OR7E24: variants seen among roughly 807,000 people sequenced by gnomAD.
OR7E24 encodes the protein olfactory receptor 7E24.
For missense variants in OR7E24, 385 were observed against 410.3 expected (o/e 0.94, Z 0.53); for synonymous variants, 130 against 157.5 (o/e 0.83, Z 1.31).
At chr19:9,235,376 T>A in the OR7E24 span, 1 of 1,516,742 alleles carries the variant, frequency 6.6e-7, no homozygotes. Flanking sequence ...TGCACCACAG[T>A]CCCCAAGATG....
the OR7E24 span, among the ~76,000 whole-genome samples, chr19:9,240,967 G>A: frequency 2.6e-5 from 4 of 151,902 alleles, no homozygotes; most frequent in Admixed American, 6.6e-5. Flanking sequence ...ACAGGTGCCC[G>A]CCACCACGCC....
At chr19:9,242,421 T>G (rs1331493595), upstream of OR7E24, among the ~76,000 whole-genome samples, 2 of 152,150 alleles carry the variant, frequency 1.3e-5, no homozygotes, top group East Asian at 3.9e-4. Context: ...TAATTTTTTT[T>G]GTATTTTTAG....
chr19:9,217,584 G>C, the OR7E24 span, among the ~76,000 whole-genome samples: 1 of 152,134 alleles, frequency 6.6e-6, no homozygotes, highest in Non-Finnish European at 1.5e-5. Context: ...TGTTGCCCAG[G>C]CTGGAGTATA....
At chr19:9,233,846 A>G in the OR7E24 span, among the ~76,000 whole-genome samples, 1 of 152,126 alleles carries the variant, frequency 6.6e-6, no homozygotes, top group Non-Finnish European at 1.5e-5. Flanking sequence ...CCATGCAGAA[A>G]ATATTTACTA....
the OR7E24 span, among the ~76,000 whole-genome samples, chr19:9,215,055 C>T: frequency 6.6e-6 from 1 of 151,964 alleles, no homozygotes; most frequent in African/African-American, 2.4e-5. Context: ...TTAGAAATCT[C>T]TCTCTTTGGC....
At chr19:9,240,646 G>C in the OR7E24 span, among the ~76,000 whole-genome samples, 2 of 152,060 alleles carry the variant, frequency 1.3e-5, no homozygotes, top group Admixed American at 6.6e-5. Context: ...ATAGAGAAAA[G>C]TTTTAAAATT....
the OR7E24 span, among the ~76,000 whole-genome samples, chr19:9,227,988 C>T: frequency 5.3e-5 from 8 of 151,684 alleles, no homozygotes; most frequent in African/African-American, 1.9e-4. Context: ...CTCCTGACCT[C>T]GTGATCCGCC....
At chr19:9,224,006 A>G in the OR7E24 span, among the ~76,000 whole-genome samples, 1 of 151,700 alleles carries the variant, frequency 6.6e-6, no homozygotes, top group Non-Finnish European at 1.5e-5. Flanking sequence ...GTGTGCCACC[A>G]CACCCAGCTA....
chr19:9,241,641 G>A, the OR7E24 span, among the ~76,000 whole-genome samples: 4 of 152,240 alleles, frequency 2.6e-5, no homozygotes, highest in African/African-American at 9.6e-5. Context: ...GTGGGTGCCT[G>A]TAATCTCAGC....
chr19:9,211,489 G>A, the OR7E24 span: 1 of 152,180 alleles, frequency 6.6e-6, no homozygotes. Flanking sequence ...TCAAATTACA[G>A]GCAAGGAGTA....
chr19:9,214,617 A>G, the OR7E24 span: 3 of 1,614,124 alleles, frequency 1.9e-6, no homozygotes, highest in Non-Finnish European at 2.5e-6. Flanking sequence ...TGTGGTGGAG[A>G]TGAAACAGAT....
chr19:9,221,507 C>T, the OR7E24 span, among the ~76,000 whole-genome samples: 540 of 143,244 alleles, frequency 3.8e-3, 1 homozygote, highest in Non-Finnish European at 5.8e-3. Context: ...CCTGCCACGA[C>T]GCCCGGCTAC....
upstream of OR7E24, among the ~76,000 whole-genome samples, chr19:9,242,948 T>C (rs2066120180): frequency 6.6e-6 from 1 of 152,128 alleles, no homozygotes; most frequent in Non-Finnish European, 1.5e-5. Flanking sequence ...TCTTTCCTTC[T>C]TTATTTGACC....
At chr19:9,223,030 G>T in the OR7E24 span, among the ~76,000 whole-genome samples, 1 of 152,212 alleles carries the variant, frequency 6.6e-6, no homozygotes, top group South Asian at 2.1e-4. Flanking sequence ...TTTGTCAAAT[G>T]TTTTTTTCTG....
chr19:9,235,048 C>T, the OR7E24 span: 6 of 565,086 alleles, frequency 1.1e-5, no homozygotes, highest in East Asian at 1.7e-4. Context: ...GAATCAGGAT[C>T]TTTGGAAGGA....
chr19:9,250,768 T>A (rs372197213), upstream of OR7E24, among the ~76,000 whole-genome samples: 1 of 152,350 alleles, frequency 6.6e-6, no homozygotes, highest in Non-Finnish European at 1.5e-5. Flanking sequence ...TGTTGTATAT[T>A]TTTTCCTGAT....
At chr19:9,221,640 C>T in the OR7E24 span, among the ~76,000 whole-genome samples, 3 of 151,940 alleles carry the variant, frequency 2.0e-5, no homozygotes, top group African/African-American at 7.3e-5. Context: ...CGTGAGCCAC[C>T]GCGCCAGGCT....
chr19:9,225,339 CAGCCTGGGCAACAAG>C, the OR7E24 span, among the ~76,000 whole-genome samples: 1 of 150,064 alleles, frequency 6.7e-6, no homozygotes, highest in Non-Finnish European at 1.5e-5. Context: ...CACTGTTCTC[CAGCCTGGGCAACAAG>C]AGCGAAACTC....
At chr19:9,239,439 T>TG in the OR7E24 span, among the ~76,000 whole-genome samples, 776 of 152,306 alleles carry the variant, frequency 5.1e-3, 7 homozygotes, top group African/African-American at 0.018. Flanking sequence ...CCCAAAGTGC[T>TG]GGGATTACAG....
Sources: gnomAD v4.1 joint callset for allele counts (sites outside exome capture counted in the v4.1 genomes callset) on GRCh38, gnomAD v4.1.1 for gene constraint, MANE v1.5 for transcripts, NCBI Gene and HGNC (gene_info 2026-07-23, HGNC 2026-07-21) for gene names.